Variants in SULT2B1 observed in about 807,000 individuals in gnomAD.
SULT2B1 encodes the protein sulfotransferase family 2B member 1.
SULT2B1 carries 16 observed loss-of-function variants against 33.2 expected under a neutral mutation model. That is an observed-to-expected ratio of 0.48 (90% CI 0.33 to 0.73). The LOEUF is 0.73. Among genes scored for constraint, SULT2B1 ranks in the 30% least tolerant of loss-of-function variants. The probability of loss-of-function intolerance (pLI) is 0.02; values close to 1 mark genes in which losing one functional copy is unlikely to be tolerated. For synonymous variants in SULT2B1, 186 were observed against 200.5 expected (o/e 0.93, Z 0.61); for missense variants, 500 against 506.0 (o/e 0.99, Z 0.11).
At chr19:48,560,040 C>T (rs967452975) in intron 1 of SULT2B1, among the ~76,000 whole-genome samples, 1 of 151,926 alleles carries the variant, frequency 6.6e-6, no homozygotes, top group Non-Finnish European at 1.5e-5. Context: ...GCCCCTATGG[C>T]TCAGGAGCTG....
chr19:48,573,418 G>A (rs530561563), intron 1 of SULT2B1, among the ~76,000 whole-genome samples: 19 of 152,228 alleles, frequency 1.2e-4, no homozygotes, highest in Admixed American at 2.0e-4. Context: ...CGTCCCAGGC[G>A]TAGAGAAGTT....
intron 1 of SULT2B1, among the ~76,000 whole-genome samples, chr19:48,571,806 T>C (rs1018762756): frequency 2.0e-5 from 3 of 152,002 alleles, no homozygotes. Context: ...GCAGGGGGTC[T>C]AGCTGTAAAC....
chr19:48,569,810 G>A (rs1175597823), intron 1 of SULT2B1, among the ~76,000 whole-genome samples: 1 of 151,934 alleles, frequency 6.6e-6, no homozygotes, highest in African/African-American at 2.4e-5. Flanking sequence ...GGGATTATAA[G>A]CATGCGCCAC....
At chr19:48,575,320 G>A (rs916275771) in intron 1 of SULT2B1, among the ~76,000 whole-genome samples, 1 of 151,130 alleles carries the variant, frequency 6.6e-6, no homozygotes, top group African/African-American at 2.4e-5. Context: ...TGTTGCCCAA[G>A]CTGGAGTGCA....
At chr19:48,595,278 G>A (rs537233673) in intron 5 of SULT2B1, among the ~76,000 whole-genome samples, 438 of 36,676 alleles carry the variant, frequency 0.012, 2 homozygotes, top group African/African-American at 0.037. Flanking sequence ...GCGAAACTCC[G>A]TCTAAAAAAA....
intron 1 of SULT2B1, among the ~76,000 whole-genome samples, chr19:48,568,871 C>T (rs1479560373): frequency 7.1e-6 from 1 of 141,376 alleles, no homozygotes; most frequent in African/African-American, 2.5e-5. Flanking sequence ...CCCAGAATCC[C>T]AGCAGCCCAC....
intron 1 of SULT2B1, among the ~76,000 whole-genome samples, chr19:48,554,330 T>C (rs1973066763): frequency 7.7e-6 from 1 of 129,254 alleles, no homozygotes; most frequent in African/African-American, 2.9e-5. Flanking sequence ...TCCTCCCAGG[T>C]TGCCCATCTC....
intron 1 of SULT2B1, among the ~76,000 whole-genome samples, chr19:48,570,592 G>T (rs1013387874): frequency 3.9e-4 from 59 of 152,248 alleles, no homozygotes; most frequent in African/African-American, 1.4e-3. Flanking sequence ...TGAGTACAGT[G>T]GCTATAAACA....
chr19:48,566,381 G>A (rs907465908), intron 1 of SULT2B1, among the ~76,000 whole-genome samples: 3 of 152,220 alleles, frequency 2.0e-5, no homozygotes, highest in South Asian at 2.1e-4. Context: ...ACCGCACCCA[G>A]GCTAAAGTGT....
rs1351124159 is a variant in SULT2B1 at position 48,579,827 on chromosome 19, G to A, written c.214+3744G>A. Among the ~76,000 whole-genome samples, 4 of 150,322 alleles carry A rather than the reference G, an allele frequency of 2.7e-5. 1 individual carries two copies. Among genetic ancestry groups the A allele is most frequent in the South Asian group, 4.2e-4 (2 of 4,734 alleles). The stretch of plus-strand genomic sequence containing the variant: ...TCACCATGTTGGCCAGGCTGGTCTC[G>A]AACTCCTGACCTCAGGTGATCCACC... On this transcript the variant is annotated intron_variant, in intron 2 of 6. Transcript: ENST00000201586.
chr19:48,598,833 G>T (rs930499597), intron 6 of SULT2B1, among the ~76,000 whole-genome samples: 37 of 152,084 alleles, frequency 2.4e-4, no homozygotes, highest in African/African-American at 8.9e-4. Flanking sequence ...AGGAATTCAG[G>T]GTTGGAGGCA....
chr19:48,555,771 GCT>G (rs1404640263), intron 1 of SULT2B1, among the ~76,000 whole-genome samples: 1 of 151,272 alleles, frequency 6.6e-6, no homozygotes, highest in Non-Finnish European at 1.5e-5. Flanking sequence ...ATGGAGTCTT[GCT>G]CTGTCACCCA....
At chr19:48,561,454 TAAAATAAATAAATTAATTA>T (rs1435904669) in intron 1 of SULT2B1, among the ~76,000 whole-genome samples, 2 of 137,026 alleles carry the variant, frequency 1.5e-5, no homozygotes, top group Non-Finnish European at 3.4e-5. Context: ...AATAGATAGA[TAAAATAAATAAATTAATTA>T]AGATAAAATA....
At position 48,571,638 on chromosome 19, in the gene SULT2B1, A is replaced by AC. The variant is rs767473410; in HGVS notation, c.72-4303_72-4302insC. On this transcript the variant is annotated intron_variant, in intron 1 of 6. Coordinates refer to ENST00000201586, the MANE Select transcript of SULT2B1 (RefSeq NM_177973.2). ...TGGCAAACAAGACAGAACAATAACAAAAGAAAAAAACACCAGATTTTTTTA... is the reference window on the plus strand; with the variant it reads ...TGGCAAACAAGACAGAACAATAACAACAAGAAAAAAACACCAGATTTTTTTA... 2.6e-3 allele frequency among the ~76,000 whole-genome samples: 275 copies of AC among 105,014 alleles called. 1 individual carries two copies. Among genetic ancestry groups the AC allele is most frequent in the Non-Finnish European group, 4.7e-3 (235 of 49,704 alleles). 68.9% of individuals were successfully genotyped at this position (105,014 alleles called of 152,430 possible). A position where few individuals can be genotyped will look rare whatever the true frequency, so the allele number is the denominator to read the frequency against.
chr19:48,587,796 G>C (rs1358597245), intron 3 of SULT2B1, among the ~76,000 whole-genome samples: 1 of 148,072 alleles, frequency 6.8e-6, no homozygotes, highest in African/African-American at 2.5e-5. Context: ...GGAATGCTGA[G>C]GTGGGAGGAT....
chr19:48,580,882 A>T (rs983006872), intron 2 of SULT2B1, among the ~76,000 whole-genome samples: 10 of 151,810 alleles, frequency 6.6e-5, no homozygotes, highest in African/African-American at 1.9e-4. Flanking sequence ...GATTACAGGC[A>T]TGAGCCACTG....
At position 48,587,420 on chromosome 19, in the gene SULT2B1, T is replaced by C; in HGVS notation, c.406T>C (p.Phe136Leu). The C allele has an allele frequency of 6.2e-7, 1 of 1,614,060 alleles. No individual in the cohort carries two copies. The highest frequency in any genetic ancestry group is 1.6e-4 in the Middle Eastern group (1 of 6,062). ...LPIQIFTKAF[F>L]SSKAKVIYMG... Reference sequence around the variant, plus strand: ...CATCCAGATCTTCACCAAGGCCTTCTTCAGCTCCAAGGCCAAGGTTGGGAG... The same window carrying C: ...CATCCAGATCTTCACCAAGGCCTTCCTCAGCTCCAAGGCCAAGGTTGGGAG... The change falls in exon 3 of 7, where the codon TTC becomes CTC. Residue 136 changes from phenylalanine (F) to leucine (L), a missense_variant. Physicochemically the swap from Phe to Leu is conservative, Grantham distance 22. Coordinates refer to ENST00000201586, the MANE Select transcript of SULT2B1 (RefSeq NM_177973.2).
chr19:48,564,745 C>G (rs1973224371), intron 1 of SULT2B1, among the ~76,000 whole-genome samples: 2 of 151,756 alleles, frequency 1.3e-5, no homozygotes, highest in South Asian at 4.2e-4. Flanking sequence ...CTTGTTTTAT[C>G]ACAGATCTTT....
chr19:48,578,793 T>C (rs1973447039), intron 2 of SULT2B1, among the ~76,000 whole-genome samples: 1 of 152,010 alleles, frequency 6.6e-6, no homozygotes, highest in African/African-American at 2.4e-5. Flanking sequence ...GGAGAATTGC[T>C]TGGAACCGGG....
Sources: allele counts gnomAD v4.1 joint callset (sites outside exome capture counted in the v4.1 genomes callset), GRCh38; gene constraint gnomAD v4.1.1; transcripts MANE v1.5; gene names NCBI Gene and HGNC (gene_info 2026-07-23, HGNC 2026-07-21).